Variants in ANAPC4 observed in about 807,000 individuals in gnomAD.
ANAPC4 encodes anaphase promoting complex subunit 4.
ANAPC4 carries 63 observed loss-of-function variants against 119.8 expected under a neutral mutation model. That is an observed-to-expected ratio of 0.53 (90% CI 0.43 to 0.65). The LOEUF is 0.65. ANAPC4 is among the 30% of genes least tolerant of loss of function. The pLI is 0.00. For synonymous variants in ANAPC4, 283 were observed against 318.6 expected, an observed-to-expected ratio of 0.89 and a Z score of 1.19; for missense variants, 716 against 945.1, an observed-to-expected ratio of 0.76 and a Z score of 3.18.
At chr4:25,401,068 T>G (rs1722937485) in intron 16 of ANAPC4, among the ~76,000 whole-genome samples, 1 of 152,214 alleles carries the variant, frequency 6.6e-6, no homozygotes, top group Non-Finnish European at 1.5e-5. Context: ...CTCCTGTTTC[T>G]TTAATCCTCG....
At chr4:25,378,623 G>A (rs561625459) in intron 2 of ANAPC4, among the ~76,000 whole-genome samples, 1 of 152,220 alleles carries the variant, frequency 6.6e-6, no homozygotes, top group Non-Finnish European at 1.5e-5. Flanking sequence ...CTCAGTGAAG[G>A]AAGAAGCAAG....
chr4:25,382,923 A>G (rs572913486), intron 3 of ANAPC4, among the ~76,000 whole-genome samples: 1 of 152,232 alleles, frequency 6.6e-6, no homozygotes, highest in Non-Finnish European at 1.5e-5. Context: ...ATGTGATAAC[A>G]TATAATTGTT....
At chr4:25,394,602 A>G in intron 12 of ANAPC4, 69 bp from the exon 13 acceptor site, 1 of 1,478,074 alleles carries the variant, frequency 6.8e-7, no homozygotes, top group South Asian at 1.3e-5. Flanking sequence ...TCGAAATTTA[A>G]AAGTTGTAAG....
chr4:25,414,737 GATTTT>G, intron 25 of ANAPC4, 37 bp downstream of exon 25: 1 of 1,432,712 alleles, frequency 7.0e-7, no homozygotes, highest in Non-Finnish European at 9.3e-7. Flanking sequence ...AAAGAGATAA[GATTTT>G]ATTATTTGTA....
rs906094975 is a variant in ANAPC4, at chr4:25,377,327, C to T, written c.-28C>T. On this transcript the variant is annotated 5_prime_UTR_variant, in exon 1 of 29. Coordinates refer to ENST00000315368, the MANE Select transcript of ANAPC4 (RefSeq NM_013367.3). ...GGCCACTGGGGCCGTGTTAGTCTGC[C>T]GGTGGGGACTCTTGCAGGTACAGGC... The T allele has an allele frequency of 8.0e-6, 12 of 1,497,352 alleles. No individual in the cohort carries two copies. Among genetic ancestry groups the T allele is most frequent in the Middle Eastern group, 2.4e-4 (1 of 4,224 alleles). 92.8% of individuals were successfully genotyped at this position (1,497,352 alleles called of 1,614,324 possible).
intron 9 of ANAPC4, among the ~76,000 whole-genome samples, chr4:25,391,980 A>G (rs1722370719): frequency 1.3e-5 from 2 of 152,250 alleles, no homozygotes; most frequent in Non-Finnish European, 2.9e-5. Flanking sequence ...CAATTCATAT[A>G]CCATTGATAG....
At chr4:25,378,152 A>G (rs917494430) in intron 2 of ANAPC4, among the ~76,000 whole-genome samples, 2 of 152,252 alleles carry the variant, frequency 1.3e-5, no homozygotes, top group African/African-American at 2.4e-5. Flanking sequence ...CAGAACGTGC[A>G]TGGGTGTTAT....
At position 25,390,287 on chromosome 4, in the gene ANAPC4, A is replaced by G. The variant is rs917845884; in HGVS notation, c.600+67A>G. The G allele has an allele frequency of 1.6e-5, 19 of 1,191,286 alleles. No homozygotes were observed. The African/African-American group carries it at 2.8e-4, about 18-fold the overall frequency. 73.8% of individuals were successfully genotyped at this position (1,191,286 alleles called of 1,614,324 possible). ...TTAGAATATACTAGGTACTTATGGA[A>G]AAAGAATAAAACACTAGGTTTTTTT... On this transcript the variant is annotated intron_variant, in intron 8 of 28. Coordinates refer to ENST00000315368, the MANE Select transcript of ANAPC4 (RefSeq NM_013367.3).
rs536461048 is a variant in ANAPC4, at chr4:25,412,473, C to G, written c.1526-1172C>G. 2.0e-5 allele frequency among the ~76,000 whole-genome samples: 3 copies of G among 152,096 alleles called. No homozygotes were observed. In the South Asian group the frequency reaches 6.2e-4, roughly 32 times the overall value. ...CCCTATCCTAAAGCTATCTAGGTGC[C>G]AGCCAAGAGTTGCCTCATTAAAACA... On this transcript the variant is annotated intron_variant, in intron 21 of 28. Transcript: ENST00000315368.
intron 15 of ANAPC4, 41 bp from the exon 16 acceptor site, chr4:25,396,807 A>G: frequency 1.9e-6 from 3 of 1,608,760 alleles, no homozygotes; most frequent in Non-Finnish European, 2.5e-6. Flanking sequence ...AACACAGTTT[A>G]CTTATTTGAC....
Position 25,416,555 on chromosome 4 carries a change from G to T in ANAPC4, c.2032G>T (p.Glu678Ter). 1 of 1,582,870 alleles carries T rather than the reference G, an allele frequency of 6.3e-7. No individual in the cohort carries two copies. The change falls in exon 27 of 29, where the codon GAA (glutamate) becomes TAA (stop). Residue 678 changes from glutamate (E) to a stop codon, truncating the protein, a stop_gained. Transcript: ENST00000315368. LOFTEE classifies it high-confidence loss of function. ...GCCTTTGTCTTTAGTATATAACAGT[G>T]AAGATTCTGCAGAATATCAGTTCAC... ...QLPLSLVYNSEDSAEYQFTGT... is the reference protein window; with the variant it reads ...QLPLSLVYNS
chr4:25,410,179 G>GGT (rs138699527), intron 21 of ANAPC4, among the ~76,000 whole-genome samples: 37 of 151,388 alleles, frequency 2.4e-4, no homozygotes, highest in East Asian at 1.4e-3. Context: ...GGTTGTAGTT[G>GGT]GTGTGTGTGT....
chr4:25,415,763 A>G lies in ANAPC4; in HGVS notation c.1901+223A>G, dbSNP rs1263247343. On this transcript the variant is annotated intron_variant, in intron 26 of 28. Coordinates refer to ENST00000315368, the MANE Select transcript of ANAPC4 (RefSeq NM_013367.3). ...CAGTTTATGTCGTACGGTTTCCTAT[A>G]ATTAATACTCCTGAGCTCCCTGTTG... 3 of 417,148 alleles carry G rather than the reference A, an allele frequency of 7.2e-6. No individual in the cohort carries two copies. The East Asian group carries it at 1.1e-4, about 16-fold the overall frequency. 25.8% of individuals were successfully genotyped at this position (417,148 alleles called of 1,614,324 possible). A position where few individuals can be genotyped will look rare whatever the true frequency, so the allele number is the denominator to read the frequency against.
At chr4:25,386,224 T>C (rs1722028726) in intron 4 of ANAPC4, among the ~76,000 whole-genome samples, 1 of 151,980 alleles carries the variant, frequency 6.6e-6, no homozygotes, top group African/African-American at 2.4e-5. Flanking sequence ...TATTTATTTA[T>C]TTTTTGAGAC....
Position 25,396,907 on chromosome 4 carries a change from T to C in ANAPC4, c.1214+8T>C. The C allele has an allele frequency of 1.9e-6, 3 of 1,610,022 alleles. No homozygotes were observed. The highest frequency in any genetic ancestry group is 2.5e-6 in the Non-Finnish European group (3 of 1,178,038). ...GGCAAATGAACTTCTTCAGTAAGTATTGGGAGTACCTGGAATCACTGACCT... is the reference window on the plus strand; with the variant it reads ...GGCAAATGAACTTCTTCAGTAAGTACTGGGAGTACCTGGAATCACTGACCT... On this transcript the variant is annotated splice_region_variant and intron_variant, in intron 16 of 28. Coordinates refer to ENST00000315368, the MANE Select transcript of ANAPC4 (RefSeq NM_013367.3).
rs116334765 is a variant in ANAPC4, at chr4:25,405,048, C to T, written c.1271-525C>T. On this transcript the variant is annotated intron_variant, in intron 17 of 28. Transcript: ENST00000315368. The surrounding 1 kb of genome is among the most constrained non-coding windows in gnomAD (Gnocchi z 4.6). ...ATACTTTGTCTTGACTTAGGTGGAA[C>T]GTAATACAAAACACATAGTACTGAT... Among the ~76,000 whole-genome samples, 1,838 of 151,548 alleles carry T rather than the reference C, an allele frequency of 0.012. 44 individuals carry two copies. Among genetic ancestry groups the T allele is most frequent in the African/African-American group, 0.042 (1,750 of 41,230 alleles).
At chr4:25,411,958 A>T (rs1223788857) in intron 21 of ANAPC4, among the ~76,000 whole-genome samples, 2 of 152,044 alleles carry the variant, frequency 1.3e-5, no homozygotes, top group Non-Finnish European at 1.5e-5. Flanking sequence ...GTCCCACAAG[A>T]CTGCCCTCGC....
chr4:25,383,981 T>G (rs549637257), intron 4 of ANAPC4, among the ~76,000 whole-genome samples: 80 of 152,352 alleles, frequency 5.3e-4, no homozygotes, highest in South Asian at 1.7e-3. Context: ...AAGATTTCTT[T>G]GTAGCATGAG....
chr4:25,404,210 G>T (rs1156489970), intron 17 of ANAPC4, among the ~76,000 whole-genome samples: 4 of 152,140 alleles, frequency 2.6e-5, no homozygotes, highest in Non-Finnish European at 5.9e-5. Flanking sequence ...AACTGAATGT[G>T]ATCTGCCTAT....
Sources: gnomAD v4.1 joint callset for allele counts (sites outside exome capture counted in the v4.1 genomes callset) on GRCh38, gnomAD v4.1.1 for gene constraint, Gnocchi (gnomAD v3.1) non-coding constraint, MANE v1.5 for transcripts, NCBI Gene and HGNC (gene_info 2026-07-23, HGNC 2026-07-21) for gene names.